ROBO1: variants seen among roughly 807,000 people sequenced by gnomAD.
ROBO1 encodes roundabout guidance receptor 1.
In ROBO1, 149 loss-of-function variants were observed where a neutral mutation model predicts 195.9. The observed-to-expected ratio is 0.76, with a 90% CI of 0.67 to 0.87. The LOEUF (loss-of-function observed/expected upper bound fraction) is 0.87. ROBO1 is among the 40% of genes least tolerant of loss of function. ROBO1 has a pLI of 0.00. For synonymous variants in ROBO1, 816 were observed against 733.2 expected, an observed-to-expected ratio of 1.11 and a Z score of -1.82; for missense variants, 1,933 against 2,068.3, an observed-to-expected ratio of 0.93 and a Z score of 1.27.
At position 79,733,777 on chromosome 3, in the gene ROBO1, T is replaced by C. The variant is rs568963771; in HGVS notation, c.-51+33975A>G. 6.6e-5 allele frequency among the ~76,000 whole-genome samples: 10 copies of C among 152,296 alleles called. No individual in the cohort carries two copies. The South Asian group carries it at 1.9e-3, about 28-fold the overall frequency. ...TTATTTATCACACTGCTTTGGGTTG[T>C]CTGTTATCTTCCTGTATTTCCCACT... On this transcript the variant is annotated intron_variant, in intron 1 of 30. Coordinates refer to ENST00000464233, the MANE Select transcript of ROBO1 (RefSeq NM_002941.4).
chr3:79,334,355 T>C (rs1029272350), intron 2 of ROBO1, among the ~76,000 whole-genome samples: 13 of 146,724 alleles, frequency 8.9e-5, no homozygotes, highest in Non-Finnish European at 1.9e-4. Flanking sequence ...TATATATGTA[T>C]ATATATATGT....
chr3:79,525,190 A>C (rs1356519545), intron 2 of ROBO1, among the ~76,000 whole-genome samples: 3 of 151,284 alleles, frequency 2.0e-5, no homozygotes, highest in Admixed American at 6.6e-5. Flanking sequence ...ATGTAGAAAT[A>C]GTTTATTAAA....
At chr3:78,653,102 G>C (rs547817362) in intron 18 of ROBO1, among the ~76,000 whole-genome samples, 1 of 152,004 alleles carries the variant, frequency 6.6e-6, no homozygotes, top group Admixed American at 6.6e-5. Context: ...ACATATTGTC[G>C]TCATGAGTTC....
intron 2 of ROBO1, among the ~76,000 whole-genome samples, chr3:79,352,987 CAG>C (rs1438841639): frequency 2.0e-5 from 3 of 152,090 alleles, no homozygotes; most frequent in African/African-American, 7.2e-5. Flanking sequence ...GTACTGATTA[CAG>C]AGAGTTAAGA....
chr3:79,661,531 C>CT (rs968943102), intron 1 of ROBO1, among the ~76,000 whole-genome samples: 2 of 151,772 alleles, frequency 1.3e-5, no homozygotes, highest in Non-Finnish European at 2.9e-5. Flanking sequence ...TCCCCACTTC[C>CT]TTTTTTTTCT....
At chr3:79,194,631 A>G (rs1235111528) in intron 2 of ROBO1, among the ~76,000 whole-genome samples, 3 of 151,650 alleles carry the variant, frequency 2.0e-5, no homozygotes, top group Non-Finnish European at 4.4e-5. Context: ...CGCACTTGCT[A>G]AAGAATGGGC....
At chr3:78,828,919 T>A (rs1281714732) in intron 4 of ROBO1, among the ~76,000 whole-genome samples, 1 of 152,182 alleles carries the variant, frequency 6.6e-6, no homozygotes, top group Non-Finnish European at 1.5e-5. Flanking sequence ...ACTAGCTAAC[T>A]ATAGAAAAAA....
intron 4 of ROBO1, among the ~76,000 whole-genome samples, chr3:78,911,626 C>A (rs2038245764): frequency 6.6e-6 from 1 of 151,998 alleles, no homozygotes; most frequent in Non-Finnish European, 1.5e-5. Context: ...GCACTAGTAA[C>A]CCGACCTTTA....
At chr3:79,195,684 G>T (rs2081620809) in intron 2 of ROBO1, among the ~76,000 whole-genome samples, 1 of 151,324 alleles carries the variant, frequency 6.6e-6, no homozygotes, top group South Asian at 2.1e-4. Flanking sequence ...AAAATTGCTT[G>T]TACTTCCTAT....
intron 2 of ROBO1, among the ~76,000 whole-genome samples, chr3:79,500,899 C>T (rs1182061933): frequency 6.6e-6 from 1 of 152,104 alleles, no homozygotes; most frequent in African/African-American, 2.4e-5. Context: ...AGCTTTGTTA[C>T]GTTGGCATAT....
intron 3 of ROBO1, among the ~76,000 whole-genome samples, chr3:79,041,367 A>C (rs1246447588): frequency 6.6e-6 from 1 of 152,036 alleles, no homozygotes; most frequent in Non-Finnish European, 1.5e-5. Flanking sequence ...TTTCTCTTCC[A>C]CTTCCTCAAC....
chr3:79,626,432 TCAAAAA>T (rs561559049), intron 1 of ROBO1, among the ~76,000 whole-genome samples: 96 of 151,976 alleles, frequency 6.3e-4, no homozygotes, highest in African/African-American at 1.9e-3. Context: ...CAAGACTCCA[TCAAAAA>T]CAAAAACAAA....
chr3:78,929,709 G>T (rs952958841), intron 4 of ROBO1, among the ~76,000 whole-genome samples: 1 of 151,602 alleles, frequency 6.6e-6, no homozygotes, highest in Non-Finnish European at 1.5e-5. Context: ...TCACCATGTT[G>T]CCCAGGCTGG....
rs2078015306 is a variant in ROBO1, at chr3:79,018,544, C to CCA, written c.173-79619_173-79618dup. ...GTCCCCAAATGTATGAAGCCACACA[C>CCA]CACACACAAAGGCTTAATATAAGCA... On this transcript the variant is annotated intron_variant, in intron 3 of 30. Coordinates refer to ENST00000464233, the MANE Select transcript of ROBO1 (RefSeq NM_002941.4). 3 of 1,587,554 alleles carry CCA rather than the reference C, an allele frequency of 1.9e-6. No individual in the cohort carries two copies. The South Asian group carries it at 3.4e-5, about 18-fold the overall frequency.
intron 2 of ROBO1, among the ~76,000 whole-genome samples, chr3:79,515,055 T>A (rs1440623167): frequency 6.6e-6 from 1 of 152,178 alleles, no homozygotes; most frequent in African/African-American, 2.4e-5. Context: ...AGAGGTTGGC[T>A]CTACTAAATG....
At chr3:78,654,852 T>TA (rs558851514) in intron 18 of ROBO1, among the ~76,000 whole-genome samples, 2 of 152,298 alleles carry the variant, frequency 1.3e-5, no homozygotes, top group East Asian at 3.9e-4. Flanking sequence ...TCTTCAGTCA[T>TA]AAAAATAGGT....
intron 4 of ROBO1, among the ~76,000 whole-genome samples, chr3:78,868,573 T>C (rs924865271): frequency 6.6e-6 from 1 of 152,200 alleles, no homozygotes; most frequent in African/African-American, 2.4e-5. Flanking sequence ...CTTTAATCCA[T>C]AACTTAAGGC....
intron 2 of ROBO1, among the ~76,000 whole-genome samples, chr3:79,483,722 T>C (rs60322697): frequency 0.018 from 2,669 of 152,250 alleles, 70 homozygotes; most frequent in African/African-American, 0.06. Context: ...AAGAATCTTA[T>C]GGGACCACTG....
intron 4 of ROBO1, among the ~76,000 whole-genome samples, chr3:78,753,193 A>G (rs184798690): frequency 1.3e-5 from 2 of 152,220 alleles, no homozygotes; most frequent in African/African-American, 2.4e-5. Flanking sequence ...GTTTATTTAC[A>G]TACTGTATGA....
Sources: gnomAD v4.1 joint callset for allele counts (sites outside exome capture counted in the v4.1 genomes callset) on GRCh38, gnomAD v4.1.1 for gene constraint, MANE v1.5 for transcripts, NCBI Gene and HGNC (gene_info 2026-07-23, HGNC 2026-07-21) for gene names.